The following CNTNAP3B variants were observed in gnomAD, a reference collection of about 807,000 sequenced individuals.
CNTNAP3B encodes the protein contactin associated protein family member 3B, also known as contactin-associated protein-like 3B.
CNTNAP3B carries 25 observed loss-of-function variants against 108.9 expected under a neutral mutation model. That is an observed-to-expected ratio of 0.23 (90% CI 0.17 to 0.32). The LOEUF is 0.32. Among genes scored for constraint, CNTNAP3B ranks in the 10% least tolerant of loss-of-function variants. The pLI is 1.00. For synonymous variants in CNTNAP3B, 103 were observed against 473.4 expected (o/e 0.22, Z 10.16); for missense variants, 252 against 1,210.4 (o/e 0.21, Z 11.75).
At chr9:41,945,979 A>G (rs989902936) in intron 13 of CNTNAP3B, among the ~76,000 whole-genome samples, 1,223 of 151,878 alleles carry the variant, frequency 8.1e-3, no homozygotes, top group Middle Eastern at 0.017. Context: ...AAGGAAAATT[A>G]TCAGAGATGA....
rs1825710869 is a variant in CNTNAP3B at position 41,986,699 on chromosome 9, A to G, written c.1334-388T>C. 3.3e-5 allele frequency among the ~76,000 whole-genome samples: 5 copies of G among 150,884 alleles called. No homozygotes were observed. In the South Asian group the frequency reaches 8.4e-4, roughly 25 times the overall value. ...AAAAACATTTTACAAGAATCAAGAA[A>G]GTGAGTTGATAAAAAATATGTCAAG... On this transcript the variant is annotated intron_variant, in intron 8 of 23. Transcript: ENST00000377561.
intron 9 of CNTNAP3B, among the ~76,000 whole-genome samples, chr9:41,978,980 G>T (rs1587170554): frequency 7.1e-6 from 1 of 141,418 alleles, no homozygotes; most frequent in African/African-American, 2.8e-5. Context: ...GGGATTTATG[G>T]CAGTGTAGCA....
At position 41,929,464 on chromosome 9, in the gene CNTNAP3B, A is replaced by G; in HGVS notation, c.2238-20T>C. 6.6e-7 allele frequency: 1 copy of G among 1,521,812 alleles called. No individual in the cohort carries two copies. The highest frequency in any genetic ancestry group is 8.9e-7 in the Non-Finnish European group (1 of 1,127,182). 94.3% of individuals were successfully genotyped at this position (1,521,812 alleles called of 1,614,324 possible). ...CTAGTCCTAAAGAACAACAACCGAA[A>G]CCATTAAAATTATTCTGATTAACAT... is the stretch of plus-strand genomic sequence containing the variant. On this transcript the variant is annotated intron_variant, in intron 14 of 23. Transcript: ENST00000377561.
At chr9:41,940,683 C>A (rs1258341537) in intron 13 of CNTNAP3B, among the ~76,000 whole-genome samples, 2 of 152,114 alleles carry the variant, frequency 1.3e-5, no homozygotes, top group Non-Finnish European at 2.9e-5. Context: ...AGCGTAGCGG[C>A]GGGAGCCTGT....
chr9:41,942,480 G>C (rs1382141893), intron 13 of CNTNAP3B, among the ~76,000 whole-genome samples: 368 of 150,950 alleles, frequency 2.4e-3, no homozygotes, highest in Middle Eastern at 6.8e-3. Flanking sequence ...GCGTGGTGGC[G>C]GGCGCCTGTA....
intron 9 of CNTNAP3B, among the ~76,000 whole-genome samples, chr9:41,982,703 ATT>A (rs1414138070): frequency 2.0e-5 from 3 of 151,340 alleles, no homozygotes; most frequent in Admixed American, 6.6e-5. Flanking sequence ...CAGCAACCCC[ATT>A]GAGTACACAC....
intron 2 of CNTNAP3B, among the ~76,000 whole-genome samples, chr9:42,096,029 C>T (rs556965555): frequency 7.2e-6 from 1 of 138,984 alleles, no homozygotes; most frequent in East Asian, 2.2e-4. Flanking sequence ...GGAACATGGT[C>T]TTGCTCACCT....
rs1828506956 is a variant in CNTNAP3B at position 42,123,533 on chromosome 9, A to C, written c.85+5477T>G. 1.6e-5 allele frequency among the ~76,000 whole-genome samples: 2 copies of C among 123,584 alleles called. 1 individual carries two copies. Among genetic ancestry groups the C allele is most frequent in the Non-Finnish European group, 3.4e-5 (2 of 59,686 alleles). 81.1% of individuals were successfully genotyped at this position (123,584 alleles called of 152,430 possible). ...CTTCCATTTTGGTCTAGTGTTCCAT[A>C]AACATTGACTTTACATGAAAAGGAC... On this transcript the variant is annotated intron_variant, in intron 1 of 23. Transcript: ENST00000377561.
intron 14 of CNTNAP3B, among the ~76,000 whole-genome samples, chr9:41,934,484 G>A (rs1050493530): frequency 6.6e-6 from 1 of 152,238 alleles, no homozygotes; most frequent in African/African-American, 2.4e-5. Context: ...GCCTCCCAAA[G>A]TGCTGGGATT....
intron 3 of CNTNAP3B, among the ~76,000 whole-genome samples, chr9:42,069,846 A>AAT (rs1300788752): frequency 7.0e-4 from 62 of 88,548 alleles, no homozygotes; most frequent in African/African-American, 2.2e-3. Flanking sequence ...TGTGTATATA[A>AAT]ATATATATAT....
At chr9:42,122,276 T>C (rs1828479461) in intron 1 of CNTNAP3B, among the ~76,000 whole-genome samples, 1 of 139,992 alleles carries the variant, frequency 7.1e-6, no homozygotes, top group South Asian at 2.3e-4. Flanking sequence ...TTTATTATAA[T>C]TTTAAAAGAC....
chr9:41,941,506 A>AAGAAACAG (rs1332884076), intron 13 of CNTNAP3B, among the ~76,000 whole-genome samples: 8 of 151,006 alleles, frequency 5.3e-5, no homozygotes, highest in African/African-American at 2.0e-4. Context: ...GCAAGAAACA[A>AAGAAACAG]TACACCCTTA....
chr9:41,938,643 ATCAG>A (rs1454157998), intron 13 of CNTNAP3B, among the ~76,000 whole-genome samples: 7 of 152,290 alleles, frequency 4.6e-5, no homozygotes, highest in Admixed American at 6.5e-5. Flanking sequence ...TCTATTAGAA[ATCAG>A]TCAGTTGCAC....
At chr9:41,995,667 C>T (rs1379617867) in intron 7 of CNTNAP3B, among the ~76,000 whole-genome samples, 2 of 117,958 alleles carry the variant, frequency 1.7e-5, no homozygotes, top group Admixed American at 8.7e-5. Context: ...GGAGGCAGAG[C>T]TTGCAGTGAG....
chr9:41,928,607 C>A (rs1201350874), intron 15 of CNTNAP3B, among the ~76,000 whole-genome samples: 1 of 152,300 alleles, frequency 6.6e-6, no homozygotes, highest in Non-Finnish European at 1.5e-5. Context: ...TGTTGAACCA[C>A]CCCTCTCAGA....
intron 17 of CNTNAP3B, among the ~76,000 whole-genome samples, chr9:41,921,532 T>G (rs1443186064): frequency 6.6e-6 from 1 of 151,934 alleles, no homozygotes; most frequent in Non-Finnish European, 1.5e-5. Flanking sequence ...TTAATTAGAT[T>G]GCATCCTTAT....
intron 3 of CNTNAP3B, among the ~76,000 whole-genome samples, chr9:42,056,628 G>A (rs1368612304): frequency 7.2e-6 from 1 of 138,294 alleles, no homozygotes; most frequent in Non-Finnish European, 1.5e-5. Flanking sequence ...GGGATTACGG[G>A]TGTGAGCCAC....
intron 3 of CNTNAP3B, among the ~76,000 whole-genome samples, chr9:42,026,607 A>C (rs1284462289): frequency 2.0e-5 from 2 of 101,854 alleles, no homozygotes; most frequent in Non-Finnish European, 4.0e-5. Flanking sequence ...AAAAAAAAAA[A>C]AAAAGCCTTT....
chr9:42,041,935 A>G (rs1587224058), intron 3 of CNTNAP3B, among the ~76,000 whole-genome samples: 1 of 139,680 alleles, frequency 7.2e-6, no homozygotes. Flanking sequence ...TGTCCTTTGT[A>G]GGGACATGGA....
Sources: allele counts gnomAD v4.1 joint callset (sites outside exome capture counted in the v4.1 genomes callset), GRCh38; gene constraint gnomAD v4.1.1; transcripts MANE v1.5; gene names NCBI Gene and HGNC (gene_info 2026-07-23, HGNC 2026-07-21).